Variants in STARD9 observed in about 807,000 individuals in gnomAD.
STARD9 encodes StAR related lipid transfer domain containing 9.
Under a neutral mutation model 399.8 loss-of-function variants are expected in STARD9, and 346 were observed. That is an observed-to-expected ratio of 0.87 (90% CI 0.79 to 0.95). The LOEUF (loss-of-function observed/expected upper bound fraction) is 0.95. Ranked by LOEUF, STARD9 falls within the 40% of genes least tolerant of loss-of-function variation. STARD9 has a pLI of 0.00. For missense variants in STARD9, 5,832 were observed against 5,667.5 expected, an observed-to-expected ratio of 1.03 and a Z score of -0.93; for synonymous variants, 2,203 against 2,143.5, an observed-to-expected ratio of 1.03 and a Z score of -0.77.
At chr15:42,616,226 G>A (rs909482795) in intron 3 of STARD9, among the ~76,000 whole-genome samples, 6 of 152,240 alleles carry the variant, frequency 3.9e-5, no homozygotes, top group Admixed American at 1.3e-4. Context: ...AATGATTTAT[G>A]TGCAAATGAA....
At chr15:42,654,108 G>T (rs1032320855) in intron 9 of STARD9, among the ~76,000 whole-genome samples, 1 of 151,966 alleles carries the variant, frequency 6.6e-6, no homozygotes, top group Non-Finnish European at 1.5e-5. Flanking sequence ...CCTCCTCTGG[G>T]CAGAAAAAAC....
At position 42,690,680 on chromosome 15, in the gene STARD9, T is replaced by C. The variant is rs1395864300; in HGVS notation, c.9102T>C (p.Phe3034=). The change falls in exon 23 of 33, where the codon TTT becomes TTC. Residue 3034 remains phenylalanine, a synonymous_variant. Transcript: ENST00000290607. ...AGCCCAAAGATGTTAACAGGGAATT[T>C]AGGCTAACAGAGAGCAGCACTTGTG... ...GLEPKDVNRE[F]RLTESSTCEP... 1.3e-6 allele frequency: 2 copies of C among 1,537,120 alleles called. No homozygotes were observed. Among genetic ancestry groups the C allele is most frequent in the African/African-American group, 1.4e-5 (1 of 73,034 alleles).
chr15:42,579,065 G>A (rs561210836), intron 1 of STARD9, among the ~76,000 whole-genome samples: 9 of 152,296 alleles, frequency 5.9e-5, no homozygotes, highest in Admixed American at 5.2e-4. Flanking sequence ...TTAACTATGA[G>A]GGGATGGATG....
chr15:42,617,520 C>A (rs2058992793), intron 3 of STARD9, among the ~76,000 whole-genome samples: 1 of 151,866 alleles, frequency 6.6e-6, no homozygotes. Flanking sequence ...ATAGTTATCA[C>A]CCTAGTTGGA....
chr15:42,719,511 G>T lies in STARD9; in HGVS notation c.14040G>T (p.Leu4680=), dbSNP rs926661147. ...CTCCAGGCTTCCCACCTCAGCTCCT[G>T]AGCTCTTTCATCAAACGGCAGCCAC... ...LGAPGFPPQL[L]SSFIKRQPLV... The change falls in exon 33 of 33, where the codon CTG becomes CTT. Residue 4680 remains leucine, a synonymous_variant. Coordinates refer to ENST00000290607, the MANE Select transcript of STARD9 (RefSeq NM_020759.3). 1.3e-6 allele frequency: 2 copies of T among 1,537,094 alleles called. No individual in the cohort carries two copies. Among genetic ancestry groups the T allele is most frequent in the African/African-American group, 2.7e-5 (2 of 73,044 alleles).
intron 3 of STARD9, among the ~76,000 whole-genome samples, chr15:42,621,216 A>G (rs1158187899): frequency 6.6e-6 from 1 of 152,130 alleles, no homozygotes; most frequent in African/African-American, 2.4e-5. Context: ...TGTAATTAAT[A>G]AATATTTTGT....
intron 9 of STARD9, among the ~76,000 whole-genome samples, chr15:42,657,626 A>G (rs1232514444): frequency 6.6e-6 from 1 of 152,244 alleles, no homozygotes; most frequent in Non-Finnish European, 1.5e-5. Context: ...TTTGAGCAAC[A>G]TTATCAAACT....
rs1566942805 is a variant in STARD9, at chr15:42,689,457, CAGAT to C, written c.7884_7887del (p.Asp2629CysfsTer53). The C allele has an allele frequency of 2.0e-6, 3 of 1,537,342 alleles. No individual in the cohort carries two copies. In the Admixed American group the frequency reaches 5.9e-5, roughly 30 times the overall value. On this transcript the variant is annotated frameshift_variant, in exon 23 of 33. Coordinates refer to ENST00000290607, the MANE Select transcript of STARD9 (RefSeq NM_020759.3). LOFTEE classifies it high-confidence loss of function. ...GGCATCTCTATCTGCTGAAGCAGGG[CAGAT>C]AGATCTGTTACCTGATGAGAGGAAA...
At position 42,692,555 on chromosome 15, in the gene STARD9, T is replaced by G; in HGVS notation, c.10977T>G (p.Ala3659=). Residue 3659 remains alanine, a synonymous_variant, in exon 23 of 33, where the codon GCT becomes GCG. Transcript: ENST00000290607. Reference sequence around the variant, plus strand: ...GGAGCAGCACTGACATCTCCTTTGCTCAGCCTGAAGCCAGTGCAGTATCAG... The same window carrying G: ...GGAGCAGCACTGACATCTCCTTTGCGCAGCCTGAAGCCAGTGCAGTATCAG... ...RHWSSTDISF[A]QPEASAVSAF... is the part of the protein sequence containing the mutation. 6.5e-7 allele frequency: 1 copy of G among 1,537,214 alleles called. No individual in the cohort carries two copies. The highest frequency in any genetic ancestry group is 1.2e-5 in the South Asian group (1 of 84,060).
chr15:42,691,790 C>T lies in STARD9; in HGVS notation c.10212C>T (p.Thr3404=). The T allele has an allele frequency of 6.5e-7, 1 of 1,537,260 alleles. No homozygotes were observed. Among genetic ancestry groups the T allele is most frequent in the Non-Finnish European group, 8.7e-7 (1 of 1,146,908 alleles). The change falls in exon 23 of 33, where the codon ACC becomes ACT. Residue 3404 remains threonine, a synonymous_variant. Transcript: ENST00000290607. ...ATCACAGGCACCTGAAGCCTGCCAC[C>T]CCTCCTTATCCAATGCCTTCCACTC... is the stretch of plus-strand genomic sequence containing the variant. ...TTDHRHLKPA[T]PPYPMPSTLS...
intron 31 of STARD9, 104 bp downstream of exon 31, chr15:42,718,618 T>C (rs1341333984): frequency 2.1e-6 from 3 of 1,432,016 alleles, no homozygotes; most frequent in Non-Finnish European, 2.9e-6. Context: ...GGAGGGCAAA[T>C]TGGGGCTGGA....
chr15:42,716,732 G>T lies in STARD9; in HGVS notation c.13340G>T (p.Gly4447Val), dbSNP rs773752855. Residue 4447 changes from glycine to valine, a missense_variant, in exon 27 of 33, where the codon GGC becomes GTC. Coordinates refer to ENST00000290607, the MANE Select transcript of STARD9 (RefSeq NM_020759.3). ...GTATGGATAGGGGATGAGCGAGGAG[G>T]CCATTCTGCAGTGAGGAAGAACTCT... ...RDVWIGDERG[G>V]HSAVRKNSAY... 6.5e-7 allele frequency: 1 copy of T among 1,537,082 alleles called. No homozygotes were observed. The highest frequency in any genetic ancestry group is 1.2e-5 in the South Asian group (1 of 84,050).
At chr15:42,633,056 C>G (rs1453703242) in intron 3 of STARD9, among the ~76,000 whole-genome samples, 1 of 151,618 alleles carries the variant, frequency 6.6e-6, no homozygotes, top group African/African-American at 2.4e-5. Flanking sequence ...GTAGGGAGAT[C>G]GTTTGAGCCC....
intron 3 of STARD9, among the ~76,000 whole-genome samples, chr15:42,618,222 T>C (rs565747190): frequency 1.3e-5 from 2 of 152,224 alleles, no homozygotes; most frequent in East Asian, 1.9e-4. Flanking sequence ...ATTCTTGACC[T>C]CCTGAGCTCA....
At chr15:42,678,526 C>T (rs544505166) in intron 20 of STARD9, among the ~76,000 whole-genome samples, 1 of 152,296 alleles carries the variant, frequency 6.6e-6, no homozygotes, top group Admixed American at 6.5e-5. Flanking sequence ...AGGGGGTTAA[C>T]CTTAAGTGCC....
At chr15:42,708,178 A>AT (rs2061131658) in intron 26 of STARD9, among the ~76,000 whole-genome samples, 1 of 152,176 alleles carries the variant, frequency 6.6e-6, no homozygotes, top group African/African-American at 2.4e-5. Flanking sequence ...CTTTTGAATC[A>AT]TCTTTTAAAG....
intron 14 of STARD9, 41 bp downstream of exon 14, chr15:42,665,371 TCTC>T (rs2060076882): frequency 1.3e-6 from 2 of 1,483,266 alleles, no homozygotes; most frequent in Admixed American, 2.0e-5. Flanking sequence ...TAAGTGAAAT[TCTC>T]CTTCTGAGCC....
At position 42,720,766 on chromosome 15, in the gene STARD9, A is replaced by G. The variant is rs990379228; in HGVS notation, c.*1192A>G. 3.9e-5 allele frequency: 6 copies of G among 152,160 alleles called. No individual in the cohort carries two copies. The highest frequency in any genetic ancestry group is 1.9e-4 in the East Asian group (1 of 5,190). 9.4% of individuals were successfully genotyped at this position (152,160 alleles called of 1,614,324 possible). ...TAGTGTGGCAGAGATGTGTTTTTCT[A>G]AAGTGTTTGCAGGGCATTTTTCCCT... On this transcript the variant is annotated 3_prime_UTR_variant, in exon 33 of 33. Transcript: ENST00000290607.
At chr15:42,583,758 C>G (rs978281341) in intron 2 of STARD9, among the ~76,000 whole-genome samples, 1 of 152,118 alleles carries the variant, frequency 6.6e-6, no homozygotes, top group Admixed American at 6.5e-5. Context: ...CTCACCTGAC[C>G]ACCAGTTAAA....
Sources: gnomAD v4.1 joint callset for allele counts (sites outside exome capture counted in the v4.1 genomes callset) on GRCh38, gnomAD v4.1.1 for gene constraint, MANE v1.5 for transcripts, NCBI Gene and HGNC (gene_info 2026-07-23, HGNC 2026-07-21) for gene names.